PTPRT: variants seen among roughly 807,000 people sequenced by gnomAD.
PTPRT encodes the protein receptor-type tyrosine-protein phosphatase T.
A neutral mutation model predicts 176.8 loss-of-function variants in PTPRT; 56 were observed. The observed-to-expected ratio is 0.32, with a 90% CI of 0.26 to 0.40. The LOEUF is 0.40. Ranked by LOEUF, PTPRT falls within the 10% of genes least tolerant of loss-of-function variation. PTPRT has a pLI of 1.00. For synonymous variants in PTPRT, 783 were observed against 739.0 expected (o/e 1.06, Z -0.96); for missense variants, 1,540 against 1,908.2 (o/e 0.81, Z 3.60).
chr20:42,316,705 GA>G (rs11358692), intron 11 of PTPRT, among the ~76,000 whole-genome samples: 48,016 of 151,978 alleles, frequency 0.32, 7,931 homozygotes, highest in Middle Eastern at 0.34. Flanking sequence ...AGCTACTCCA[GA>G]CCCCATGCTA....
chr20:42,828,540 C>T lies in PTPRT; in HGVS notation c.215-37074G>A, dbSNP rs188722694. Among the ~76,000 whole-genome samples, 27 of 152,280 alleles carry T rather than the reference C, an allele frequency of 1.8e-4. No individual in the cohort carries two copies. In the East Asian group the frequency reaches 5.2e-3, roughly 29 times the overall value. On this transcript the variant is annotated intron_variant, in intron 2 of 30. Transcript: ENST00000373187. ...CTCCAGGGCACGTGAAAGACCTTCA[C>T]AGTAGCCCCTCCCCCAGAGGACTAG...
At chr20:42,831,749 T>C (rs777533383) in intron 2 of PTPRT, among the ~76,000 whole-genome samples, 1 of 152,282 alleles carries the variant, frequency 6.6e-6, no homozygotes, top group East Asian at 1.9e-4. Flanking sequence ...AAGACATACA[T>C]GCATCCAACA....
intron 6 of PTPRT, among the ~76,000 whole-genome samples, chr20:42,700,950 G>A (rs529463013): frequency 1.3e-5 from 2 of 152,188 alleles, no homozygotes; most frequent in African/African-American, 2.4e-5. Flanking sequence ...TAGCCAGGCA[G>A]AGCCAGTGGG....
chr20:42,714,351 G>A (rs2076192162), intron 6 of PTPRT, among the ~76,000 whole-genome samples: 1 of 152,104 alleles, frequency 6.6e-6, no homozygotes. Flanking sequence ...TGTCCAGATG[G>A]GGGCCAAACT....
intron 15 of PTPRT, among the ~76,000 whole-genome samples, chr20:42,200,809 GTC>G (rs1394817512): frequency 6.6e-6 from 1 of 152,144 alleles, no homozygotes; most frequent in Non-Finnish European, 1.5e-5. Flanking sequence ...ATTTCTCCAA[GTC>G]TCTTACTCCA....
intron 9 of PTPRT, among the ~76,000 whole-genome samples, chr20:42,426,582 C>T (rs984957826): frequency 3.9e-5 from 6 of 152,180 alleles, no homozygotes; most frequent in African/African-American, 1.4e-4. Flanking sequence ...ACACTTAAGC[C>T]GTCTGCAGAT....
At chr20:42,267,711 C>A (rs1446881856) in intron 13 of PTPRT, among the ~76,000 whole-genome samples, 1 of 151,968 alleles carries the variant, frequency 6.6e-6, no homozygotes, top group Non-Finnish European at 1.5e-5. Context: ...GCCACCGGCC[C>A]CCAACAAAGA....
chr20:42,334,880 C>A (rs780946100), intron 11 of PTPRT, among the ~76,000 whole-genome samples: 2 of 152,096 alleles, frequency 1.3e-5, no homozygotes, highest in Non-Finnish European at 2.9e-5. Flanking sequence ...TAGTTAAAAG[C>A]GGAAGAATTA....
At chr20:42,430,575 T>A (rs529717988) in intron 9 of PTPRT, among the ~76,000 whole-genome samples, 2 of 152,204 alleles carry the variant, frequency 1.3e-5, no homozygotes, top group Admixed American at 1.3e-4. Flanking sequence ...TGGTGATGTA[T>A]CATAAAGTTG....
intron 16 of PTPRT, among the ~76,000 whole-genome samples, chr20:42,184,696 C>T (rs991959163): frequency 6.7e-6 from 1 of 150,280 alleles, no homozygotes; most frequent in African/African-American, 2.5e-5. Context: ...GGCATGATCT[C>T]GGTTCACTGT....
At chr20:43,144,677 A>G (rs1476568002) in intron 1 of PTPRT, among the ~76,000 whole-genome samples, 1 of 152,172 alleles carries the variant, frequency 6.6e-6, no homozygotes, top group South Asian at 2.1e-4. Flanking sequence ...AGGGTGATAC[A>G]GGGAATGATG....
intron 2 of PTPRT, among the ~76,000 whole-genome samples, chr20:42,806,379 G>A (rs957312554): frequency 5.3e-5 from 8 of 151,666 alleles, no homozygotes; most frequent in Non-Finnish European, 1.2e-4. Flanking sequence ...AGCTGCCTGG[G>A]AGGCTGAGGC....
chr20:42,769,038 T>C (rs1358635539), intron 5 of PTPRT, among the ~76,000 whole-genome samples: 2 of 152,226 alleles, frequency 1.3e-5, no homozygotes, highest in Non-Finnish European at 2.9e-5. Flanking sequence ...ACACAGCTTC[T>C]TGGCAGCCTA....
chr20:42,975,373 C>T (rs762648302), intron 1 of PTPRT, among the ~76,000 whole-genome samples: 4 of 151,786 alleles, frequency 2.6e-5, no homozygotes, highest in Non-Finnish European at 5.9e-5. Flanking sequence ...TAAAAGGAAA[C>T]ACAAAAAAAT....
chr20:42,811,576 T>C (rs1169355320), intron 2 of PTPRT, among the ~76,000 whole-genome samples: 3 of 152,232 alleles, frequency 2.0e-5, no homozygotes, highest in Non-Finnish European at 4.4e-5. Flanking sequence ...ATTTTAACTA[T>C]TTATTTTGAT....
intron 27 of PTPRT, among the ~76,000 whole-genome samples, chr20:42,088,064 T>C (rs1984192706): frequency 6.6e-6 from 1 of 151,998 alleles, no homozygotes; most frequent in African/African-American, 2.4e-5. Flanking sequence ...GGGCACAAGA[T>C]GGATCCTGCC....
intron 24 of PTPRT, among the ~76,000 whole-genome samples, chr20:42,106,245 CTT>C (rs935443783): frequency 6.6e-6 from 1 of 152,212 alleles, no homozygotes; most frequent in African/African-American, 2.4e-5. Context: ...TTTCAATACT[CTT>C]AGGTTTGGGC....
intron 2 of PTPRT, among the ~76,000 whole-genome samples, chr20:42,857,579 C>A (rs189073812): frequency 2.6e-5 from 4 of 152,302 alleles, no homozygotes; most frequent in Admixed American, 2.6e-4. Context: ...CAGCTCATAA[C>A]TGTTTTTCCC....
At chr20:42,861,626 C>T (rs759342637) in intron 2 of PTPRT, among the ~76,000 whole-genome samples, 11 of 151,686 alleles carry the variant, frequency 7.3e-5, no homozygotes, top group African/African-American at 1.2e-4. Context: ...GTTACACAAA[C>T]ATGTAGATGA....
Sources: gnomAD v4.1 joint callset for allele counts (sites outside exome capture counted in the v4.1 genomes callset) on GRCh38, gnomAD v4.1.1 for gene constraint, MANE v1.5 for transcripts, NCBI Gene and HGNC (gene_info 2026-07-23, HGNC 2026-07-21) for gene names.